MGST1: variants seen among roughly 807,000 people sequenced by gnomAD.
MGST1 encodes the protein microsomal glutathione S-transferase 1, also known as glutathione S-transferase 12.
In MGST1, 5 loss-of-function variants were observed where a neutral mutation model predicts 8.9. The observed-to-expected ratio is 0.56, with a 90% CI of 0.29 to 1.19. The LOEUF is 1.19. Among genes scored for constraint, MGST1 ranks in the 50% most tolerant of loss-of-function variants. MGST1 has a pLI of 0.08. For missense variants in MGST1, 182 were observed against 187.4 expected (o/e 0.97, Z 0.17); for synonymous variants, 54 against 67.8 (o/e 0.80, Z 1.00).
At chr12:16,532,584 T>C (rs189830929) in intron 4 of MGST1, among the ~76,000 whole-genome samples, 3 of 152,262 alleles carry the variant, frequency 2.0e-5, no homozygotes, top group East Asian at 1.9e-4. Flanking sequence ...TCATAAACAG[T>C]TGATTTTATC....
At chr12:16,449,748 T>C (rs1941114518) in intron 4 of MGST1, among the ~76,000 whole-genome samples, 1 of 151,958 alleles carries the variant, frequency 6.6e-6, no homozygotes, top group South Asian at 2.1e-4. Context: ...GCTCCATTAA[T>C]AAACAAGTGA....
At chr12:16,472,360 A>G (rs974700599) in intron 4 of MGST1, among the ~76,000 whole-genome samples, 1 of 152,026 alleles carries the variant, frequency 6.6e-6, no homozygotes, top group African/African-American at 2.4e-5. Flanking sequence ...CATATTTACT[A>G]CAAAAATCAA....
In MGST1 at chr12:16,437,230, A is replaced by G. The variant is rs937731549; in HGVS notation, n.779-158A>G. Among the ~76,000 whole-genome samples, 39 of 151,984 alleles carry G rather than the reference A, an allele frequency of 2.6e-4. 1 individual carries two copies. The highest frequency in any genetic ancestry group is 2.1e-4 in the South Asian group (1 of 4,830). ...CTAAAGGAGGGTGACTCTAATCAAC[A>G]AAAGGGTATGCTCTGGAGAAAATTT... On this transcript the variant is annotated intron_variant and non_coding_transcript_variant, in intron 1 of 1. Coordinates refer to the MGST1 transcript ENST00000359720.
chr12:16,475,100 G>A (rs1941312795), intron 4 of MGST1, among the ~76,000 whole-genome samples: 1 of 152,116 alleles, frequency 6.6e-6, no homozygotes, highest in Non-Finnish European at 1.5e-5. Flanking sequence ...GTACAATCAT[G>A]TGTGGATTAC....
rs1940763481 is a variant in MGST1, at chr12:16,413,915, T to C, written n.779-23473T>C. On this transcript the variant is annotated intron_variant and non_coding_transcript_variant, in intron 1 of 1. Coordinates refer to the MGST1 transcript ENST00000359720. This position sits in a 1 kb window ranked among gnomAD's most constrained non-coding sequence, Gnocchi z 4.0. ...AATATGAATATGTGAATGTATATTA[T>C]TTTCTTCTTACAAACATAATATTAA... Among the ~76,000 whole-genome samples, 1 of 152,310 alleles carries C rather than the reference T, an allele frequency of 6.6e-6. No homozygotes were observed. Among genetic ancestry groups the C allele is most frequent in the East Asian group, 1.9e-4 (1 of 5,190 alleles).
downstream of MGST1, among the ~76,000 whole-genome samples, chr12:16,377,658 C>A (rs1442027074): frequency 6.6e-6 from 1 of 152,100 alleles, no homozygotes; most frequent in African/African-American, 2.4e-5. Context: ...TGGGTATATA[C>A]CCAGTAATGG....
intron 1 of MGST1, chr12:16,437,283 T>G (rs1253634315): frequency 6.6e-6 from 1 of 151,960 alleles, no homozygotes; most frequent in Non-Finnish European, 1.5e-5. Context: ...GAATGATGCT[T>G]CTGTATTTGA....
intron 4 of MGST1, among the ~76,000 whole-genome samples, chr12:16,528,532 T>C (rs899907830): frequency 3.3e-5 from 5 of 152,078 alleles, no homozygotes; most frequent in African/African-American, 7.2e-5. Context: ...TGTATGTCTG[T>C]TGTCCCAGGA....
At chr12:16,565,457 G>T (rs1174855034) in intron 4 of MGST1, among the ~76,000 whole-genome samples, 1 of 152,192 alleles carries the variant, frequency 6.6e-6, no homozygotes, top group East Asian at 1.9e-4. Context: ...CCCATTACAG[G>T]CTGTAGAGAG....
intron 1 of MGST1, among the ~76,000 whole-genome samples, chr12:16,408,106 T>C (rs1040529190): frequency 7.6e-6 from 1 of 131,100 alleles, no homozygotes; most frequent in African/African-American, 2.8e-5. Flanking sequence ...AGCAAAGTAA[T>C]ACAGGAACAG....
rs536729397 is a variant in MGST1, at chr12:16,402,396, C to T, written n.778+18792C>T. The stretch of plus-strand genomic sequence containing the variant: ...AGTCTCTTCACTCACCGATAATAAG[C>T]GTCTTTGTCCAGAGTCACAGCCATA... On this transcript the variant is annotated intron_variant and non_coding_transcript_variant, in intron 1 of 1. Coordinates refer to the MGST1 transcript ENST00000359720. The T allele has an allele frequency of 3.7e-5, 60 of 1,604,670 alleles. No individual in the cohort carries two copies. The African/African-American group carries it at 5.9e-4, about 16-fold the overall frequency.
intron 4 of MGST1, among the ~76,000 whole-genome samples, chr12:16,554,157 G>A (rs182376046): frequency 3.5e-4 from 54 of 152,226 alleles, no homozygotes; most frequent in African/African-American, 1.2e-3. Flanking sequence ...TAGTCTTAGA[G>A]ACTTGAGAAG....
At chr12:16,572,081 T>G (rs987359020) in intron 4 of MGST1, among the ~76,000 whole-genome samples, 26 of 151,888 alleles carry the variant, frequency 1.7e-4, no homozygotes, top group Non-Finnish European at 2.1e-4. Flanking sequence ...AGGAAAGAGA[T>G]TCAAAAAGAC....
chr12:16,536,552 G>C (rs1374204439), intron 4 of MGST1, among the ~76,000 whole-genome samples: 1 of 152,174 alleles, frequency 6.6e-6, no homozygotes, highest in Non-Finnish European at 1.5e-5. Context: ...ACCTTGAAAT[G>C]ACAATGTATT....
At chr12:16,435,784 A>C (rs1466212626) in intron 1 of MGST1, among the ~76,000 whole-genome samples, 1 of 152,076 alleles carries the variant, frequency 6.6e-6, no homozygotes, top group Middle Eastern at 3.4e-3. Flanking sequence ...AAAGTTGTAC[A>C]TGATTGTGTT....
downstream of MGST1, among the ~76,000 whole-genome samples, chr12:16,377,643 T>C (rs1313417453): frequency 1.3e-5 from 2 of 152,178 alleles, no homozygotes; most frequent in African/African-American, 4.8e-5. Context: ...TGATTTATAA[T>C]CCTTTGGGTA....
chr12:16,558,564 T>A (rs2137313451), intron 4 of MGST1, among the ~76,000 whole-genome samples: 1 of 151,662 alleles, frequency 6.6e-6, no homozygotes, highest in East Asian at 1.9e-4. Context: ...ACCAAAAACA[T>A]GTGCATTTGC....
At chr12:16,480,309 A>C (rs1591741166) in intron 4 of MGST1, among the ~76,000 whole-genome samples, 1 of 151,824 alleles carries the variant, frequency 6.6e-6, no homozygotes. Context: ...CACCCAGCTA[A>C]TTTTTGTATT....
chr12:16,357,485 T>A, intron 2 of MGST1, 120 bp from the exon 3 acceptor site: 1 of 741,294 alleles, frequency 1.3e-6, no homozygotes, highest in Non-Finnish European at 2.2e-6. Context: ...CCCAGGCTGA[T>A]CTTGAATTCT....
Sources: allele counts gnomAD v4.1 joint callset (sites outside exome capture counted in the v4.1 genomes callset), GRCh38; gene constraint gnomAD v4.1.1; non-coding constraint Gnocchi (gnomAD v3.1); transcripts MANE v1.5; gene names NCBI Gene and HGNC (gene_info 2026-07-23, HGNC 2026-07-21).